Variants in DYM observed in about 807,000 individuals in gnomAD.
DYM encodes the protein dymeclin, also known as dyggve-Melchior-Clausen syndrome protein.
DYM carries 78 observed loss-of-function variants against 93.1 expected under a neutral mutation model. The observed-to-expected ratio is 0.84, with a 90% CI of 0.70 to 1.01. The LOEUF is 1.01. Ranked by LOEUF, DYM falls within the 50% of genes least tolerant of loss-of-function variation. The pLI is 0.00. For missense variants in DYM, 789 were observed against 845.0 expected, an observed-to-expected ratio of 0.93 and a Z score of 0.82; for synonymous variants, 321 against 319.7, an observed-to-expected ratio of 1.00 and a Z score of -0.04.
chr18:49,103,968 TG>T (rs1420643548), intron 16 of DYM, among the ~76,000 whole-genome samples: 1 of 152,140 alleles, frequency 6.6e-6, no homozygotes, highest in Non-Finnish European at 1.5e-5. Context: ...GGTAGCTTGA[TG>T]GGGATGGCAT....
chr18:49,193,666 C>T (rs559608007), intron 14 of DYM, among the ~76,000 whole-genome samples: 6 of 152,240 alleles, frequency 3.9e-5, no homozygotes, highest in South Asian at 4.1e-4. Flanking sequence ...TGGTGAGATA[C>T]ATTTATCTCA....
intron 16 of DYM, among the ~76,000 whole-genome samples, chr18:49,112,757 C>T (rs1346824449): frequency 6.6e-6 from 1 of 152,102 alleles, no homozygotes; most frequent in African/African-American, 2.4e-5. Flanking sequence ...AATATGCATA[C>T]CCTGTAACCA....
intron 17 of DYM, among the ~76,000 whole-genome samples, chr18:49,074,923 G>T (rs988891358): frequency 1.3e-5 from 2 of 152,146 alleles, no homozygotes; most frequent in African/African-American, 2.4e-5. Flanking sequence ...GACAGAGAAG[G>T]CTTAAAAGTT....
chr18:49,402,898 A>T (rs1209993260), intron 2 of DYM, among the ~76,000 whole-genome samples: 1 of 152,176 alleles, frequency 6.6e-6, no homozygotes. Context: ...TTAAGTTCCA[A>T]CTTCTTCATT....
At chr18:49,405,508 T>C (rs1214768844) in intron 2 of DYM, among the ~76,000 whole-genome samples, 1 of 152,220 alleles carries the variant, frequency 6.6e-6, no homozygotes, top group Non-Finnish European at 1.5e-5. Flanking sequence ...GTCTTTTCCT[T>C]ATGATTTTTG....
intron 13 of DYM, among the ~76,000 whole-genome samples, chr18:49,253,122 T>G (rs559102026): frequency 1.3e-5 from 2 of 152,226 alleles, no homozygotes; most frequent in South Asian, 4.1e-4. Flanking sequence ...ATGTAACATG[T>G]TATCTGTTTT....
At chr18:49,146,419 A>G (rs556193310) in intron 15 of DYM, among the ~76,000 whole-genome samples, 2 of 152,222 alleles carry the variant, frequency 1.3e-5, no homozygotes, top group Non-Finnish European at 2.9e-5. Context: ...CTGTTTGCAG[A>G]TGACATGATT....
chr18:49,126,885 C>G (rs958551487), intron 15 of DYM, among the ~76,000 whole-genome samples: 1 of 152,148 alleles, frequency 6.6e-6, no homozygotes, highest in Non-Finnish European at 1.5e-5. Context: ...ACTCATGTTT[C>G]TTAGTTTTAA....
In DYM at chr18:49,193,295, C is replaced by CA. The variant is rs530388915; in HGVS notation, c.1625+16255dup. On this transcript the variant is annotated intron_variant, in intron 14 of 17. Transcript: ENST00000675505. ...GTTAGCTATTATCACCACTACTGGG[C>CA]AAAAAAAAAAATATTTTGTATGCAT... is the stretch of plus-strand genomic sequence containing the variant. Among the ~76,000 whole-genome samples, 908 of 143,696 alleles carry CA rather than the reference C, an allele frequency of 6.3e-3. 4 individuals are homozygous for CA. The highest frequency in any genetic ancestry group is 9.9e-3 in the Non-Finnish European group (643 of 65,232). The allele number at this position is 143,696 out of a possible 152,430, so 94.3% of individuals were successfully genotyped here.
At chr18:49,433,162 C>G (rs555166041) in intron 1 of DYM, among the ~76,000 whole-genome samples, 58 of 152,130 alleles carry the variant, frequency 3.8e-4, no homozygotes, top group Non-Finnish European at 8.8e-5. Context: ...AAACAGCTCC[C>G]GGATCAACCA....
chr18:49,321,285 T>C (rs929566938), intron 8 of DYM: 2 of 398,060 alleles, frequency 5.0e-6, no homozygotes, highest in Non-Finnish European at 8.9e-6. Context: ...CTGCAATTGA[T>C]TGCTTTATTC....
chr18:49,063,387 A>C (rs2076142258), intron 17 of DYM, among the ~76,000 whole-genome samples: 2 of 151,624 alleles, frequency 1.3e-5, no homozygotes, highest in African/African-American at 4.8e-5. Context: ...ATATTTTGTA[A>C]ATAGATATAT....
chr18:49,356,786 A>C (rs1433076111), intron 6 of DYM, among the ~76,000 whole-genome samples: 1 of 152,206 alleles, frequency 6.6e-6, no homozygotes, highest in Non-Finnish European at 1.5e-5. Flanking sequence ...ACCCAGTACT[A>C]TTAGTCTATG....
intron 8 of DYM, among the ~76,000 whole-genome samples, chr18:49,287,238 A>T (rs2059724202): frequency 6.6e-6 from 1 of 151,962 alleles, no homozygotes. Flanking sequence ...TTGTTTCTAA[A>T]GTACAAGAAT....
In DYM at chr18:49,145,134, T is replaced by TATATAAAA. The variant is rs1555778609; in HGVS notation, c.1728+18550_1728+18551insTTTTATAT. ...ATATATATATATATATATATATATA[T>TATATAAAA]AATTTATATATATAATATACAAATA... On this transcript the variant is annotated intron_variant, in intron 15 of 17. Coordinates refer to ENST00000675505, the MANE Select transcript of DYM (RefSeq NM_001353214.3). 1.6e-4 allele frequency among the ~76,000 whole-genome samples: 13 copies of TATATAAAA among 79,570 alleles called. No individual in the cohort carries two copies. In the South Asian group the frequency reaches 5.0e-3, roughly 30 times the overall value. The allele number at this position is 79,570 out of a possible 152,430, so 52.2% of individuals were successfully genotyped here.
At chr18:49,334,307 C>T (rs946630838) in intron 6 of DYM, among the ~76,000 whole-genome samples, 5 of 152,178 alleles carry the variant, frequency 3.3e-5, no homozygotes, top group South Asian at 2.1e-4. Flanking sequence ...AACAATAATA[C>T]ACCCTAGATC....
intron 6 of DYM, among the ~76,000 whole-genome samples, chr18:49,347,962 TCCA>T (rs2064744937): frequency 6.6e-6 from 1 of 152,218 alleles, no homozygotes; most frequent in African/African-American, 2.4e-5. Context: ...CCAAGAACTT[TCCA>T]CCATCTGCTC....
chr18:49,120,446 A>G (rs2082285238), intron 15 of DYM, among the ~76,000 whole-genome samples: 1 of 152,202 alleles, frequency 6.6e-6, no homozygotes. Flanking sequence ...CATACCTTTA[A>G]GGGATTGGTT....
chr18:49,354,215 T>C lies in DYM; in HGVS notation c.494+8946A>G, dbSNP rs140841005. ...ATGCTGAAACAACTGGATATCCACA[T>C]GCAAAAAAAAGACAGATCTAAATAT... On this transcript the variant is annotated intron_variant, in intron 6 of 17. Coordinates refer to ENST00000675505, the MANE Select transcript of DYM (RefSeq NM_001353214.3). Among the ~76,000 whole-genome samples, 40 of 151,732 alleles carry C rather than the reference T, an allele frequency of 2.6e-4. No homozygotes were observed. The East Asian group carries it at 7.5e-3, about 29-fold the overall frequency.
Sources: allele counts gnomAD v4.1 joint callset (sites outside exome capture counted in the v4.1 genomes callset), GRCh38; gene constraint gnomAD v4.1.1; transcripts MANE v1.5; gene names NCBI Gene and HGNC (gene_info 2026-07-23, HGNC 2026-07-21).